The following STK32A variants were observed in gnomAD, a reference collection of about 807,000 sequenced individuals.
The protein encoded by STK32A is serine/threonine-protein kinase 32A.
In STK32A, 41 loss-of-function variants were observed where a neutral mutation model predicts 53.2. That is an observed-to-expected ratio of 0.77 (90% CI 0.60 to 1.00). The LOEUF is 1.00. Ranked by LOEUF, STK32A falls within the 50% of genes least tolerant of loss-of-function variation. The pLI is 0.00. For missense variants in STK32A, 458 were observed against 485.8 expected (o/e 0.94, Z 0.54); for synonymous variants, 166 against 162.8 (o/e 1.02, Z -0.15).
intron 2 of STK32A, among the ~76,000 whole-genome samples, chr5:147,267,437 G>A (rs896472964): frequency 6.6e-6 from 1 of 151,884 alleles, no homozygotes; most frequent in Non-Finnish European, 1.5e-5. Flanking sequence ...CCTGACCCTG[G>A]GTAATTTAAC....
At chr5:147,309,632 A>G (rs1753591130) in intron 4 of STK32A, among the ~76,000 whole-genome samples, 1 of 152,246 alleles carries the variant, frequency 6.6e-6, no homozygotes, top group African/African-American at 2.4e-5. Flanking sequence ...AAACTCAAGA[A>G]GGAAATTCTT....
chr5:147,243,750 G>A (rs892084410), intron 2 of STK32A, among the ~76,000 whole-genome samples: 1 of 113,118 alleles, frequency 8.8e-6, no homozygotes, highest in African/African-American at 3.2e-5. Context: ...AAAAAAAACG[G>A]CTTGCTTATT....
rs532366988 is a variant in STK32A at position 147,261,335 on chromosome 5, A to T, written c.53-16789A>T. On this transcript the variant is annotated intron_variant, in intron 2 of 12. Coordinates refer to ENST00000397936, the MANE Select transcript of STK32A (RefSeq NM_001112724.2). ...GGAACAATGGTAAGCGCACACTTGGACAAGGGAGGGGAAGGGGTTCTTATC... is the reference window on the plus strand; with the variant it reads ...GGAACAATGGTAAGCGCACACTTGGTCAAGGGAGGGGAAGGGGTTCTTATC... Among the ~76,000 whole-genome samples the T allele has an allele frequency of 3.3e-5, 5 of 152,334 alleles. No individual in the cohort carries two copies. The South Asian group carries it at 1.0e-3, about 32-fold the overall frequency.
intron 4 of STK32A, among the ~76,000 whole-genome samples, chr5:147,307,296 T>G (rs1753455776): frequency 1.3e-5 from 2 of 152,144 alleles, no homozygotes; most frequent in Non-Finnish European, 2.9e-5. Context: ...TCTTTTTCTT[T>G]ATGCGTAGTG....
intron 8 of STK32A, among the ~76,000 whole-genome samples, chr5:147,366,576 G>A (rs923953458): frequency 3.9e-5 from 6 of 152,180 alleles, no homozygotes; most frequent in Admixed American, 3.3e-4. Context: ...AAAGTGATCC[G>A]AATCTCTTCC....
intron 4 of STK32A, among the ~76,000 whole-genome samples, chr5:147,319,810 T>G (rs1349146647): frequency 3.3e-5 from 5 of 152,146 alleles, no homozygotes; most frequent in African/African-American, 1.2e-4. Flanking sequence ...CAATGAACTG[T>G]TCTATCATTT....
In STK32A at chr5:147,239,639, G is replaced by C. The variant is rs1202990351; in HGVS notation, c.5G>C (p.Gly2Ala). The change falls in exon 2 of 13, where the codon GGA becomes GCA. Residue 2 changes from glycine (G) to alanine (A), a missense_variant. Transcript: ENST00000397936. Reference protein sequence around the residue: MGANTSRKPPVF... With the variant: MAANTSRKPPVF... ...CAGGTCTGGGCAGATTCAACCATGG[G>C]AGCGAACACTTCAAGAAAACCACCA... 3.1e-6 allele frequency: 5 copies of C among 1,608,070 alleles called. No homozygotes were observed. The South Asian group carries it at 4.5e-5, about 14-fold the overall frequency.
chr5:147,248,411 T>A (rs1389758521), intron 2 of STK32A, among the ~76,000 whole-genome samples: 1 of 152,152 alleles, frequency 6.6e-6, no homozygotes, highest in East Asian at 1.9e-4. Context: ...ATAAATCTAG[T>A]GTGTTTGAGG....
chr5:147,301,461 C>T lies in STK32A; in HGVS notation c.260+22063C>T, dbSNP rs569947718. Among the ~76,000 whole-genome samples the T allele has an allele frequency of 1.2e-4, 18 of 152,262 alleles. No homozygotes were observed. In the South Asian group the frequency reaches 3.3e-3, roughly 28 times the overall value. On this transcript the variant is annotated intron_variant, in intron 4 of 12. Transcript: ENST00000397936. Reference sequence around the variant, plus strand: ...CTTTGCTAGAAATGAAATGTCCCTGCTTCCCCATAGCCAGAAAAGATTCTT... The same window carrying T: ...CTTTGCTAGAAATGAAATGTCCCTGTTTCCCCATAGCCAGAAAAGATTCTT...
At chr5:147,281,118 C>T (rs1218143545) in intron 4 of STK32A, among the ~76,000 whole-genome samples, 3 of 152,098 alleles carry the variant, frequency 2.0e-5, no homozygotes, top group African/African-American at 7.2e-5. Flanking sequence ...CCCAGTGGGA[C>T]GAAAGAGTCT....
chr5:147,348,394 G>C (rs753289230), intron 6 of STK32A, among the ~76,000 whole-genome samples: 6 of 152,118 alleles, frequency 3.9e-5, no homozygotes, highest in Non-Finnish European at 7.3e-5. Context: ...CACCTGGAAG[G>C]CTTATTTAAA....
intron 2 of STK32A, among the ~76,000 whole-genome samples, chr5:147,263,639 T>C (rs1190117673): frequency 2.0e-5 from 3 of 151,962 alleles, no homozygotes; most frequent in Non-Finnish European, 4.4e-5. Flanking sequence ...CCAAAGAAGA[T>C]TTAGAAGATA....
At chr5:147,292,676 C>A (rs1181074205) in intron 4 of STK32A, among the ~76,000 whole-genome samples, 2 of 152,132 alleles carry the variant, frequency 1.3e-5, no homozygotes. Flanking sequence ...CGAGACCAGC[C>A]TGACCAACAT....
chr5:147,365,594 T>C (rs1281900162), intron 8 of STK32A, among the ~76,000 whole-genome samples: 1 of 152,016 alleles, frequency 6.6e-6, no homozygotes. Flanking sequence ...TACTTAAAAG[T>C]AGAAACATAT....
At chr5:147,295,666 T>C (rs1397008594) in intron 4 of STK32A, among the ~76,000 whole-genome samples, 1 of 152,220 alleles carries the variant, frequency 6.6e-6, no homozygotes, top group Non-Finnish European at 1.5e-5. Context: ...TACATACACA[T>C]GACACATATA....
chr5:147,360,333 C>T (rs1466848816), intron 7 of STK32A, among the ~76,000 whole-genome samples: 1 of 151,316 alleles, frequency 6.6e-6, no homozygotes, highest in Non-Finnish European at 1.5e-5. Context: ...CACCTGTAGT[C>T]CCAGCTACTT....
chr5:147,348,015 C>A (rs1755770965), intron 6 of STK32A, among the ~76,000 whole-genome samples: 1 of 152,174 alleles, frequency 6.6e-6, no homozygotes, highest in Non-Finnish European at 1.5e-5. Flanking sequence ...CAGAAATTAA[C>A]TGTTTTAGGT....
At chr5:147,380,930 A>G (rs1387831467) in intron 11 of STK32A, among the ~76,000 whole-genome samples, 1 of 152,210 alleles carries the variant, frequency 6.6e-6, no homozygotes, top group Non-Finnish European at 1.5e-5. Flanking sequence ...ATACAAATAT[A>G]AGGAGTTACA....
At chr5:147,267,784 C>T (rs1239362386) in intron 2 of STK32A, among the ~76,000 whole-genome samples, 2 of 152,108 alleles carry the variant, frequency 1.3e-5, no homozygotes, top group Non-Finnish European at 2.9e-5. Flanking sequence ...TTCTTCACCT[C>T]AGGGTTTGGG....
Sources: allele counts gnomAD v4.1 joint callset (sites outside exome capture counted in the v4.1 genomes callset), GRCh38; gene constraint gnomAD v4.1.1; transcripts MANE v1.5; gene names NCBI Gene and HGNC (gene_info 2026-07-23, HGNC 2026-07-21).